The following HDAC9 variants were observed in gnomAD, a reference collection of about 807,000 sequenced individuals.
HDAC9 encodes histone deacetylase 9.
Under a neutral mutation model 139.4 loss-of-function variants are expected in HDAC9, and 41 were observed. The ratio of observed to expected loss-of-function variants is 0.29; its 90% CI spans 0.23 to 0.38. The LOEUF (loss-of-function observed/expected upper bound fraction) is 0.38, where lower values mean the gene tolerates loss of function less well. HDAC9 is among the 10% of genes least tolerant of loss of function. HDAC9 has a pLI of 1.00. For synonymous variants in HDAC9, 517 were observed against 476.2 expected, an observed-to-expected ratio of 1.09 and a Z score of -1.12; for missense variants, 1,147 against 1,297.0, an observed-to-expected ratio of 0.88 and a Z score of 1.78.
At chr7:18,953,855 T>G (rs889200571) in intron 23 of HDAC9, among the ~76,000 whole-genome samples, 36 of 152,074 alleles carry the variant, frequency 2.4e-4, no homozygotes, top group African/African-American at 8.7e-4. Flanking sequence ...CCTACAAAAA[T>G]TACACAAATA....
chr7:18,240,942 T>A (rs1445691614), intron 2 of HDAC9, among the ~76,000 whole-genome samples: 1 of 152,162 alleles, frequency 6.6e-6, no homozygotes, highest in Non-Finnish European at 1.5e-5. Context: ...TGTCACTGCA[T>A]CATTGAGACC....
chr7:18,957,389 G>A (rs1412477964), intron 24 of HDAC9, among the ~76,000 whole-genome samples: 1 of 152,058 alleles, frequency 6.6e-6, no homozygotes, highest in East Asian at 1.9e-4. Context: ...AAAATTATGG[G>A]CTCCCTGATT....
intron 1 of HDAC9, among the ~76,000 whole-genome samples, chr7:18,139,918 C>T (rs538412400): frequency 1.3e-5 from 2 of 152,332 alleles, no homozygotes; most frequent in African/African-American, 4.8e-5. Flanking sequence ...GCCCCGCCAA[C>T]ACCTTGATTT....
chr7:18,425,342 G>T (rs1460821738), intron 1 of HDAC9, among the ~76,000 whole-genome samples: 2 of 152,190 alleles, frequency 1.3e-5, no homozygotes, highest in African/African-American at 2.4e-5. Flanking sequence ...TTTCATAGTT[G>T]AATAAGAAAT....
At chr7:18,790,555 T>C (rs1193942250) in intron 16 of HDAC9, among the ~76,000 whole-genome samples, 4 of 152,190 alleles carry the variant, frequency 2.6e-5, no homozygotes, top group African/African-American at 9.6e-5. Flanking sequence ...ACCTACCCCT[T>C]GGTATTTTGT....
chr7:18,821,385 G>C (rs1223395900), intron 17 of HDAC9, among the ~76,000 whole-genome samples: 1 of 152,144 alleles, frequency 6.6e-6, no homozygotes, highest in Non-Finnish European at 1.5e-5. Flanking sequence ...GTGTGGATAA[G>C]GAGGCATTAT....
chr7:18,701,721 ATGAAG>A (rs1562864993), intron 12 of HDAC9, among the ~76,000 whole-genome samples: 1 of 152,242 alleles, frequency 6.6e-6, no homozygotes, highest in African/African-American at 2.4e-5. Context: ...TAATTCACAC[ATGAAG>A]TGAACAGGGA....
In HDAC9 at chr7:18,495,799, G is replaced by T. The variant is rs894652681; in HGVS notation, c.-266G>T. On this transcript the variant is annotated 5_prime_UTR_variant, in exon 1 of 26. Coordinates refer to ENST00000686413, the MANE Select transcript of HDAC9 (RefSeq NM_178425.4). ...AGAAGGGCACCGGCTGGAGCCACTT[G>T]CAGGACTGAGGGTTTTTGCAACAAA... The T allele has an allele frequency of 1.3e-5, 13 of 1,005,298 alleles. No homozygotes were observed. Among genetic ancestry groups the T allele is most frequent in the African/African-American group, 5.2e-5 (3 of 58,052 alleles). 62.3% of individuals were successfully genotyped at this position (1,005,298 alleles called of 1,614,324 possible). A position where few individuals can be genotyped will look rare whatever the true frequency, so the allele number is the denominator to read the frequency against.
intron 2 of HDAC9, among the ~76,000 whole-genome samples, chr7:18,179,696 G>A (rs1789236052): frequency 6.6e-6 from 1 of 152,162 alleles, no homozygotes. Context: ...CATATTTGAA[G>A]TTCTTAGTAA....
chr7:18,162,807 G>A (rs991488840), intron 2 of HDAC9, among the ~76,000 whole-genome samples: 10 of 152,028 alleles, frequency 6.6e-5, no homozygotes, highest in Non-Finnish European at 1.3e-4. Flanking sequence ...CTTCTTTGCT[G>A]CCATTCCTGT....
intron 1 of HDAC9, among the ~76,000 whole-genome samples, chr7:18,481,484 A>G (rs1795545599): frequency 1.3e-5 from 2 of 152,196 alleles, no homozygotes; most frequent in Admixed American, 6.5e-5. Context: ...CTACAACACC[A>G]CTATAAACTG....
intron 16 of HDAC9, among the ~76,000 whole-genome samples, chr7:18,791,367 G>A (rs1236760657): frequency 6.6e-6 from 1 of 152,126 alleles, no homozygotes; most frequent in Non-Finnish European, 1.5e-5. Flanking sequence ...TTTGGTACTA[G>A]TAGCTCTGTA....
intron 25 of HDAC9, among the ~76,000 whole-genome samples, chr7:18,977,993 C>A (rs775672094): frequency 7.9e-5 from 12 of 151,594 alleles, no homozygotes; most frequent in Non-Finnish European, 1.6e-4. Flanking sequence ...TGAAAAGCCA[C>A]AGAGCATTTA....
chr7:18,700,995 A>G (rs910524008), intron 12 of HDAC9, among the ~76,000 whole-genome samples: 4 of 152,152 alleles, frequency 2.6e-5, no homozygotes, highest in Admixed American at 2.6e-4. Flanking sequence ...CTGTACTGCT[A>G]CCTTTACTGC....
At chr7:18,378,738 T>C (rs981699555) in intron 1 of HDAC9, among the ~76,000 whole-genome samples, 2 of 152,166 alleles carry the variant, frequency 1.3e-5, no homozygotes, top group African/African-American at 4.8e-5. Flanking sequence ...ATACGCATTT[T>C]ATAAATGCAT....
At position 18,825,003 on chromosome 7, in the gene HDAC9, C is replaced by T. The variant is rs185363953; in HGVS notation, c.2323-4158C>T. On this transcript the variant is annotated intron_variant, in intron 17 of 25. Coordinates refer to ENST00000686413, the MANE Select transcript of HDAC9 (RefSeq NM_178425.4). ...GTGCCATTAAAGAGAACTCATTGGTCTCTGACTTGAGCCACTGGATCAATC... is the reference window on the plus strand; with the variant it reads ...GTGCCATTAAAGAGAACTCATTGGTTTCTGACTTGAGCCACTGGATCAATC... Among the ~76,000 whole-genome samples, 15 of 152,300 alleles carry T rather than the reference C, an allele frequency of 9.8e-5. No homozygotes were observed. In the East Asian group the frequency reaches 2.5e-3, roughly 25 times the overall value.
chr7:18,246,478 A>C (rs1407880060), intron 2 of HDAC9, among the ~76,000 whole-genome samples: 2 of 152,022 alleles, frequency 1.3e-5, no homozygotes, highest in Non-Finnish European at 2.9e-5. Context: ...TATCACCCCA[A>C]AGGAGAACCC....
chr7:18,472,087 C>G (rs935765778), intron 1 of HDAC9, among the ~76,000 whole-genome samples: 4 of 152,150 alleles, frequency 2.6e-5, no homozygotes, highest in South Asian at 2.1e-4. Flanking sequence ...TTCCTCTAAA[C>G]CTGAAGATTT....
chr7:18,877,103 T>C (rs1044776440), intron 22 of HDAC9, among the ~76,000 whole-genome samples: 3 of 152,168 alleles, frequency 2.0e-5, no homozygotes, highest in African/African-American at 7.2e-5. Flanking sequence ...AGTTTTGTGA[T>C]ACTTAAGTGA....
Sources: allele counts gnomAD v4.1 joint callset (sites outside exome capture counted in the v4.1 genomes callset), GRCh38; gene constraint gnomAD v4.1.1; transcripts MANE v1.5; gene names NCBI Gene and HGNC (gene_info 2026-07-23, HGNC 2026-07-21).